Variants in RBFOX3 observed in about 807,000 individuals in gnomAD.
RBFOX3 encodes RNA binding protein fox-1 homolog 3.
RBFOX3 carries 17 observed loss-of-function variants against 48.7 expected under a neutral mutation model. The observed-to-expected ratio is 0.35, with a 90% confidence interval of 0.24 to 0.52. The LOEUF (loss-of-function observed/expected upper bound fraction) is 0.52. Among genes scored for constraint, RBFOX3 ranks in the 20% least tolerant of loss-of-function variants. RBFOX3 has a pLI of 0.94. For missense variants in RBFOX3, 382 were observed against 497.5 expected (o/e 0.77, Z 2.21); for synonymous variants, 212 against 209.5 (o/e 1.01, Z -0.10).
At chr17:79,369,959 C>A (rs928483848) in intron 2 of RBFOX3, among the ~76,000 whole-genome samples, 1 of 152,170 alleles carries the variant, frequency 6.6e-6, no homozygotes, top group Non-Finnish European at 1.5e-5. Flanking sequence ...TGCAGGTGCA[C>A]ATTTCTCCTC....
intron 3 of RBFOX3, among the ~76,000 whole-genome samples, chr17:79,266,919 T>C (rs1427272783): frequency 6.6e-6 from 1 of 152,152 alleles, no homozygotes; most frequent in African/African-American, 2.4e-5. Flanking sequence ...CTGGATCCTT[T>C]ATAACAAAAC....
At chr17:79,322,897 T>G (rs942038542) in intron 2 of RBFOX3, among the ~76,000 whole-genome samples, 2 of 152,176 alleles carry the variant, frequency 1.3e-5, no homozygotes, top group Admixed American at 1.3e-4. Flanking sequence ...TCTACACAGC[T>G]CAATTGCAAA....
At chr17:79,218,600 G>A (rs1233801769) in intron 4 of RBFOX3, among the ~76,000 whole-genome samples, 1 of 152,140 alleles carries the variant, frequency 6.6e-6, no homozygotes, top group Non-Finnish European at 1.5e-5. Flanking sequence ...AGAGACGGAA[G>A]CCCCCTCCCA....
intron 2 of RBFOX3, among the ~76,000 whole-genome samples, chr17:79,340,322 A>AAAAAAAAC (rs1234763088): frequency 2.1e-5 from 3 of 144,122 alleles, no homozygotes; most frequent in Non-Finnish European, 4.6e-5. Context: ...AAAAACAAAA[A>AAAAAAAAC]CAAAACTCTC....
At chr17:79,567,180 CTTT>C (rs1159762873) in intron 1 of RBFOX3, among the ~76,000 whole-genome samples, 3,069 of 92,008 alleles carry the variant, frequency 0.033, 44 homozygotes, top group East Asian at 0.17. Flanking sequence ...TTCTTTCTTT[CTTT>C]TTTTTTTTTT....
chr17:79,591,175 G>T lies in RBFOX3; in HGVS notation c.-320+19651C>A, dbSNP rs1028255904. On this transcript the variant is annotated intron_variant, in intron 1 of 14. Coordinates refer to ENST00000693108, the MANE Select transcript of RBFOX3 (RefSeq NM_001350451.2). ...TTCCATGAGGGGAGATCCCAGAGAGGCCCCCTGAACCTGGCAGTCACGTGG... is the reference window on the plus strand; with the variant it reads ...TTCCATGAGGGGAGATCCCAGAGAGTCCCCCTGAACCTGGCAGTCACGTGG... Among the ~76,000 whole-genome samples the T allele has an allele frequency of 6.0e-4, 92 of 152,248 alleles. No individual in the cohort carries two copies. The East Asian group carries it at 0.014, about 24-fold the overall frequency.
At chr17:79,476,749 A>G (rs1012553475) in intron 2 of RBFOX3, among the ~76,000 whole-genome samples, 1 of 152,176 alleles carries the variant, frequency 6.6e-6, no homozygotes, top group Non-Finnish European at 1.5e-5. Flanking sequence ...GGGTGGCAGA[A>G]TTAGGGGGTC....
the RBFOX3 span, among the ~76,000 whole-genome samples, chr17:79,656,810 A>AGGAAG: frequency 5.4e-5 from 4 of 73,848 alleles, no homozygotes; most frequent in African/African-American, 1.0e-4. Context: ...AAGAAAGAAA[A>AGGAAG]GAAAGAGAAA....
intron 2 of RBFOX3, among the ~76,000 whole-genome samples, chr17:79,463,505 G>T (rs797037145): frequency 2.1e-5 from 1 of 48,468 alleles, no homozygotes; most frequent in Non-Finnish European, 4.5e-5. Context: ...CACTGCCATC[G>T]CCACTGCCAC....
intron 3 of RBFOX3, among the ~76,000 whole-genome samples, chr17:79,264,168 CG>C (rs371779832): frequency 8.5e-4 from 129 of 151,786 alleles, no homozygotes; most frequent in African/African-American, 3.0e-3. Context: ...TTTCAGCTCC[CG>C]GATTCAAGTG....
intron 4 of RBFOX3, among the ~76,000 whole-genome samples, chr17:79,190,424 A>AC (rs1161047343): frequency 5.5e-5 from 6 of 109,530 alleles, no homozygotes; most frequent in East Asian, 2.4e-4. Context: ...CAAAAAAAAA[A>AC]AAAAAAACAA....
chr17:79,654,936 C>T, the RBFOX3 span, among the ~76,000 whole-genome samples: 1 of 152,122 alleles, frequency 6.6e-6, no homozygotes. Context: ...TCTGACTCCG[C>T]GGAAGGACAG....
intron 2 of RBFOX3, among the ~76,000 whole-genome samples, chr17:79,355,171 G>A (rs183416612): frequency 4.5e-4 from 68 of 152,284 alleles, no homozygotes; most frequent in African/African-American, 1.5e-3. Flanking sequence ...CACGGGGTTC[G>A]GCACTTGTGG....
At chr17:79,475,771 G>A (rs2077648660) in intron 2 of RBFOX3, among the ~76,000 whole-genome samples, 1 of 152,212 alleles carries the variant, frequency 6.6e-6, no homozygotes, top group Non-Finnish European at 1.5e-5. Context: ...GATGGAGGCA[G>A]AGACTGGACT....
chr17:79,349,296 C>T (rs905282935), intron 2 of RBFOX3, among the ~76,000 whole-genome samples: 2 of 152,038 alleles, frequency 1.3e-5, no homozygotes, highest in African/African-American at 4.8e-5. Context: ...CCTCTCCTCC[C>T]ACCTCTCACC....
chr17:79,271,949 G>A (rs550408087), intron 3 of RBFOX3, among the ~76,000 whole-genome samples: 88 of 152,318 alleles, frequency 5.8e-4, no homozygotes, highest in Non-Finnish European at 9.0e-4. Flanking sequence ...ACAGAGGGCC[G>A]GCCAGTTATT....
chr17:79,146,978 C>T (rs924792741), intron 4 of RBFOX3, among the ~76,000 whole-genome samples: 2 of 152,228 alleles, frequency 1.3e-5, no homozygotes, highest in Non-Finnish European at 2.9e-5. Flanking sequence ...GCCTCCTGGA[C>T]ACACCCAGGG....
Position 79,477,952 on chromosome 17 carries a change from G to A in RBFOX3, c.-175+4502C>T, listed in dbSNP as rs2078183167. On this transcript the variant is annotated intron_variant, in intron 2 of 14. Coordinates refer to ENST00000693108, the MANE Select transcript of RBFOX3 (RefSeq NM_001350451.2). The surrounding 1 kb of genome is among the most constrained non-coding windows in gnomAD (Gnocchi z 4.8). The stretch of plus-strand genomic sequence containing the variant: ...GCTGGGCACCGCCTGTTCCACCCAG[G>A]AGCACCTAGGACGAGCTCCTGCAAA... 6.6e-6 allele frequency among the ~76,000 whole-genome samples: 1 copy of A among 152,218 alleles called. No homozygotes were observed. Among genetic ancestry groups the A allele is most frequent in the South Asian group, 2.1e-4 (1 of 4,820 alleles).
the RBFOX3 span, among the ~76,000 whole-genome samples, chr17:79,628,795 G>C: frequency 6.6e-6 from 1 of 151,974 alleles, no homozygotes; most frequent in African/African-American, 2.4e-5. Flanking sequence ...TCTATTTGAT[G>C]ATAAATAGAC....
Sources: gnomAD v4.1 joint callset for allele counts (sites outside exome capture counted in the v4.1 genomes callset) on GRCh38, gnomAD v4.1.1 for gene constraint, Gnocchi (gnomAD v3.1) non-coding constraint, MANE v1.5 for transcripts, NCBI Gene and HGNC (gene_info 2026-07-23, HGNC 2026-07-21) for gene names.